The following TEPSIN variants were observed in gnomAD, a reference collection of about 807,000 sequenced individuals.
TEPSIN encodes the protein AP-4 complex accessory subunit tepsin.
A neutral mutation model predicts 48.5 loss-of-function variants in TEPSIN; 50 were observed. The observed-to-expected ratio is 1.03, with a 90% CI of 0.82 to 1.31. TEPSIN has a LOEUF of 1.31. Ranked by LOEUF, TEPSIN falls within the 50% of genes most tolerant of loss-of-function variation. The pLI is 0.00. For missense variants in TEPSIN, 838 were observed against 815.9 expected, an observed-to-expected ratio of 1.03 and a Z score of -0.33; for synonymous variants, 392 against 358.8, an observed-to-expected ratio of 1.09 and a Z score of -1.05.
rs2146815009 is a variant in TEPSIN, at chr17:81,228,582, G to C, written c.*346C>G. ...GGCTTGTTGCTGCTCATGACCTCCT[G>C]GGGAAGGAGGGAGCTGAGATCAAAA... On this transcript the variant is annotated 3_prime_UTR_variant, in exon 13 of 13. Coordinates refer to ENST00000637944, the MANE Select transcript of TEPSIN (RefSeq NM_001363764.2). 5.8e-6 allele frequency: 2 copies of C among 347,246 alleles called. No homozygotes were observed. 21.5% of individuals were successfully genotyped at this position (347,246 alleles called of 1,614,324 possible).
At position 81,230,828 on chromosome 17, in the gene TEPSIN, C is replaced by G; in HGVS notation, c.1099-150G>C. 1 of 1,027,868 alleles carries G rather than the reference C, an allele frequency of 9.7e-7. No homozygotes were observed. Among genetic ancestry groups the G allele is most frequent in the Non-Finnish European group, 1.4e-6 (1 of 736,896 alleles). 63.7% of individuals were successfully genotyped at this position (1,027,868 alleles called of 1,614,324 possible). A position where few individuals can be genotyped will look rare whatever the true frequency, so the allele number is the denominator to read the frequency against. On this transcript the variant is annotated intron_variant, in intron 11 of 12. Coordinates refer to ENST00000637944, the MANE Select transcript of TEPSIN (RefSeq NM_001363764.2). This position sits in a 1 kb window ranked among gnomAD's most constrained non-coding sequence, Gnocchi z 4.2. Reference sequence around the variant, plus strand: ...GAGACAGCTCCACCACAGCCCTGTCCTCACCGCCTTACACCCCGGATCCCA... The same window carrying G: ...GAGACAGCTCCACCACAGCCCTGTCGTCACCGCCTTACACCCCGGATCCCA...
chr17:81,237,518 C>A, intron 1 of TEPSIN, 59 bp from the exon 2 acceptor site: 1 of 1,527,874 alleles, frequency 6.5e-7, no homozygotes, highest in Non-Finnish European at 8.8e-7. Flanking sequence ...GGGGTGAATC[C>A]GCAGCCCCCC....
At chr17:81,236,024 G>C (rs1157363668) in intron 4 of TEPSIN, among the ~76,000 whole-genome samples, 4 of 152,180 alleles carry the variant, frequency 2.6e-5, no homozygotes, top group African/African-American at 9.7e-5. Flanking sequence ...TCCCCACTCA[G>C]GGGCTGGGGT....
chr17:81,233,897 C>A lies in TEPSIN; in HGVS notation c.375+84G>T, dbSNP rs1382139443. 1.4e-6 allele frequency: 2 copies of A among 1,457,620 alleles called. No individual in the cohort carries two copies. The highest frequency in any genetic ancestry group is 1.8e-6 in the Non-Finnish European group (2 of 1,085,684). 90.3% of individuals were successfully genotyped at this position (1,457,620 alleles called of 1,614,324 possible). On this transcript the variant is annotated intron_variant, in intron 5 of 12. Transcript: ENST00000637944. The surrounding 1 kb of genome is among the most constrained non-coding windows in gnomAD (Gnocchi z 5.8). ...GGGTCCCGGATGGGAGAACTGCAAA[C>A]CCCCCAGCTGACATCCTGGCCCCAA...
In TEPSIN at chr17:81,233,709, C is replaced by A; in HGVS notation, c.383G>T (p.Gly128Val). Reference protein sequence around the residue: ...QKVRAAAQDLGSTLFSDTVLP... With the variant: ...QKVRAAAQDLVSTLFSDTVLP... ...CACGGTGTCCGAGAACAGGGTGCTC[C>A]CCAAGTCCTACAGGGGGAGGCGAAG... Residue 128 changes from glycine to valine, a missense_variant, in exon 6 of 13, where the codon GGG becomes GTG. Transcript: ENST00000637944. This position sits in a 1 kb window ranked among gnomAD's most constrained non-coding sequence, Gnocchi z 5.8. 1 of 1,597,940 alleles carries A rather than the reference C, an allele frequency of 6.3e-7. No homozygotes were observed. Among genetic ancestry groups the A allele is most frequent in the East Asian group, 2.3e-5 (1 of 44,200 alleles).
chr17:81,237,363 C>T (rs112133654), intron 2 of TEPSIN, 24 bp downstream of exon 2: 5 of 1,607,490 alleles, frequency 3.1e-6, no homozygotes, highest in African/African-American at 2.7e-5. Context: ...CTTTCCACTA[C>T]ACGGGGACAT....
In TEPSIN at chr17:81,233,307, G is replaced by A. The variant is rs188396025; in HGVS notation, c.526+125C>T. ...AGTGGGGACAGCCCCAGGAAGGGTT[G>A]AGGCCATGTAGGGGAGGGGACGGGG... is the stretch of plus-strand genomic sequence containing the variant. On this transcript the variant is annotated intron_variant, in intron 7 of 12. Coordinates refer to ENST00000637944, the MANE Select transcript of TEPSIN (RefSeq NM_001363764.2). The surrounding 1 kb of genome is among the most constrained non-coding windows in gnomAD (Gnocchi z 5.8). 3.8e-5 allele frequency: 44 copies of A among 1,155,756 alleles called. No individual in the cohort carries two copies. The East Asian group carries it at 1.1e-3, about 30-fold the overall frequency. 71.6% of individuals were successfully genotyped at this position (1,155,756 alleles called of 1,614,324 possible).
At position 81,239,050 on chromosome 17, in the gene TEPSIN, C is replaced by T. The variant is rs1408615842; in HGVS notation, c.-17G>A. 8.1e-6 allele frequency: 12 copies of T among 1,486,362 alleles called. No individual in the cohort carries two copies. In the Admixed American group the frequency reaches 2.7e-4, roughly 34 times the overall value. The allele number at this position is 1,486,362 out of a possible 1,614,324, so 92.1% of individuals were successfully genotyped here. A position where few individuals can be genotyped will look rare whatever the true frequency, so the allele number is the denominator to read the frequency against. On this transcript the variant is annotated 5_prime_UTR_variant, in exon 1 of 13. Coordinates refer to ENST00000637944, the MANE Select transcript of TEPSIN (RefSeq NM_001363764.2). ...GGCAGCCATGATCCAGGTCCCCTCC[C>T]GGTCTGCCCCGCTTCCGCCAGGCCC...
Position 81,233,730 on chromosome 17 carries a change from C to T in TEPSIN, c.376-14G>A, listed in dbSNP as rs745725562. ...GCTCCCCAAGTCCTACAGGGGGAGG[C>T]GAAGGCCCTCAGTGTCCTCACACCA... On this transcript the variant is annotated splice_polypyrimidine_tract_variant and intron_variant, in intron 5 of 12. Coordinates refer to ENST00000637944, the MANE Select transcript of TEPSIN (RefSeq NM_001363764.2). This position sits in a 1 kb window ranked among gnomAD's most constrained non-coding sequence, Gnocchi z 5.8. The T allele has an allele frequency of 1.1e-4, 175 of 1,583,686 alleles. No individual in the cohort carries two copies. Among genetic ancestry groups the T allele is most frequent in the Non-Finnish European group, 1.4e-4 (164 of 1,167,228 alleles).
chr17:81,229,898 C>A, intron 12 of TEPSIN: 1 of 216,312 alleles, frequency 4.6e-6, no homozygotes, highest in Non-Finnish European at 9.2e-6. Flanking sequence ...TGGTGCGAAC[C>A]CCAGGCTCAC....
intron 7 of TEPSIN, 97 bp from the exon 8 acceptor site, chr17:81,232,615 T>C: frequency 8.4e-7 from 1 of 1,188,504 alleles, no homozygotes. Flanking sequence ...CTGCTCAAGC[T>C]TGGAGAGGTC....
intron 1 of TEPSIN, 21 bp downstream of exon 1, chr17:81,238,965 G>C: frequency 6.9e-7 from 1 of 1,439,342 alleles, no homozygotes; most frequent in African/African-American, 1.5e-5. Context: ...ACCGGGGCCC[G>C]GGCGGACCGC....
intron 4 of TEPSIN, among the ~76,000 whole-genome samples, chr17:81,235,061 C>T (rs1458718404): frequency 1.3e-5 from 2 of 152,142 alleles, no homozygotes; most frequent in African/African-American, 4.8e-5. Flanking sequence ...ATGCCAGCTT[C>T]GAGAAAACCC....
At position 81,229,636 on chromosome 17, in the gene TEPSIN, C is replaced by T. The variant is rs1007081962; in HGVS notation, c.1234-160G>A. 1.2e-5 allele frequency: 9 copies of T among 730,908 alleles called. No individual in the cohort carries two copies. The African/African-American group carries it at 1.6e-4, about 13-fold the overall frequency. The allele number at this position is 730,908 out of a possible 1,614,324, so 45.3% of individuals were successfully genotyped here. On this transcript the variant is annotated intron_variant, in intron 12 of 12. Coordinates refer to ENST00000637944, the MANE Select transcript of TEPSIN (RefSeq NM_001363764.2). ...TGCTGGGAGGGGCTGGGGCAGTGCA[C>T]CCAGTTGTCATCCCACCGAGAGCAG... is the stretch of plus-strand genomic sequence containing the variant.
In TEPSIN at chr17:81,229,260, G is replaced by GC; in HGVS notation, c.1449dup (p.Pro484AlafsTer32). 6.7e-7 allele frequency: 1 copy of GC among 1,497,432 alleles called. No individual in the cohort carries two copies. 92.8% of individuals were successfully genotyped at this position (1,497,432 alleles called of 1,614,324 possible). Reference sequence around the variant, plus strand: ...GGGGAGGCATCTGGGGGTGGGGTGGGCACAGGGCTGGACGGCATCCCAGAT... The same window carrying GC: ...GGGGAGGCATCTGGGGGTGGGGTGGGCCACAGGGCTGGACGGCATCCCAGAT... On this transcript the variant is annotated frameshift_variant, in exon 13 of 13. Transcript: ENST00000637944. LOFTEE classifies it low-confidence loss of function (END_TRUNC).
In TEPSIN at chr17:81,233,863, C is replaced by G. The variant is rs1312711809; in HGVS notation, c.375+118G>C. 1 of 1,373,450 alleles carries G rather than the reference C, an allele frequency of 7.3e-7. No individual in the cohort carries two copies. The highest frequency in any genetic ancestry group is 1.5e-5 in the African/African-American group (1 of 68,364). The allele number at this position is 1,373,450 out of a possible 1,614,324, so 85.1% of individuals were successfully genotyped here. ...AGGCTCTGTGTCCACCAGCAAGGAGCAGAGGCAGGGGTCCCGGATGGGAGA... is the reference window on the plus strand; with the variant it reads ...AGGCTCTGTGTCCACCAGCAAGGAGGAGAGGCAGGGGTCCCGGATGGGAGA... On this transcript the variant is annotated intron_variant, in intron 5 of 12. Transcript: ENST00000637944. The surrounding 1 kb of genome is among the most constrained non-coding windows in gnomAD (Gnocchi z 5.8).
intron 2 of TEPSIN, 101 bp downstream of exon 2, chr17:81,237,286 G>A: frequency 7.3e-7 from 1 of 1,368,822 alleles, no homozygotes; most frequent in Non-Finnish European, 1.0e-6. Flanking sequence ...AAGGAGCCGT[G>A]CATCCCCCTA....
chr17:81,233,754 C>A lies in TEPSIN; in HGVS notation c.376-38G>T. On this transcript the variant is annotated intron_variant, in intron 5 of 12. Transcript: ENST00000637944. The surrounding 1 kb of genome is among the most constrained non-coding windows in gnomAD (Gnocchi z 5.8). ...GCGAAGGCCCTCAGTGTCCTCACAC[C>A]AGGGCCTGCTGTACTCACCCTGCCA... 1 of 1,551,054 alleles carries A rather than the reference C, an allele frequency of 6.4e-7. No individual in the cohort carries two copies. The highest frequency in any genetic ancestry group is 1.3e-5 in the African/African-American group (1 of 74,366).
chr17:81,235,605 C>T (rs2062706207), intron 4 of TEPSIN, among the ~76,000 whole-genome samples: 1 of 152,210 alleles, frequency 6.6e-6, no homozygotes, highest in Non-Finnish European at 1.5e-5. Flanking sequence ...CTGCAGCCCC[C>T]ACCCCAGGGC....
Sources: gnomAD v4.1 joint callset for allele counts (sites outside exome capture counted in the v4.1 genomes callset) on GRCh38, gnomAD v4.1.1 for gene constraint, Gnocchi (gnomAD v3.1) non-coding constraint, MANE v1.5 for transcripts, NCBI Gene and HGNC (gene_info 2026-07-23, HGNC 2026-07-21) for gene names.